The following SND1 variants were observed in gnomAD, a reference collection of about 807,000 sequenced individuals.
The protein encoded by SND1 is staphylococcal nuclease domain-containing protein 1.
SND1 carries 38 observed loss-of-function variants against 121.7 expected under a neutral mutation model. The ratio of observed to expected loss-of-function variants is 0.31; its 90% CI spans 0.24 to 0.41. The LOEUF (loss-of-function observed/expected upper bound fraction) is 0.41, where lower values mean the gene tolerates loss of function less well. Ranked by LOEUF, SND1 falls within the 10% of genes least tolerant of loss-of-function variation. SND1 has a pLI of 1.00. For missense variants in SND1, 868 were observed against 1,184.6 expected, an observed-to-expected ratio of 0.73 and a Z score of 3.92; for synonymous variants, 401 against 447.4, an observed-to-expected ratio of 0.90 and a Z score of 1.31.
intron 15 of SND1, among the ~76,000 whole-genome samples, chr7:127,936,293 T>C (rs773105866): frequency 2.6e-5 from 4 of 152,134 alleles, no homozygotes; most frequent in Non-Finnish European, 5.9e-5. Context: ...TTCTTGTCCA[T>C]AGTTAGCAAG....
intron 16 of SND1, among the ~76,000 whole-genome samples, chr7:128,065,126 G>T (rs1345372049): frequency 6.6e-6 from 1 of 152,222 alleles, no homozygotes; most frequent in Non-Finnish European, 1.5e-5. Context: ...AGATGCCGGT[G>T]AAAAAGGAAA....
At chr7:127,694,403 G>T (rs1795973273) in intron 2 of SND1, among the ~76,000 whole-genome samples, 1 of 152,202 alleles carries the variant, frequency 6.6e-6, no homozygotes, top group Non-Finnish European at 1.5e-5. Flanking sequence ...CTCTGCCTAG[G>T]TGGGTTCCTG....
intron 11 of SND1, among the ~76,000 whole-genome samples, chr7:127,812,025 T>C (rs961215183): frequency 2.0e-5 from 3 of 152,044 alleles, no homozygotes; most frequent in African/African-American, 4.8e-5. Context: ...TTTTAATTTT[T>C]GCCTCCACCC....
At chr7:127,749,914 T>C (rs1053416594) in intron 10 of SND1, among the ~76,000 whole-genome samples, 2 of 152,110 alleles carry the variant, frequency 1.3e-5, no homozygotes, top group African/African-American at 4.8e-5. Flanking sequence ...CTAGACCAAC[T>C]TGGACAACAT....
At chr7:127,933,331 T>C (rs1800991548) in intron 15 of SND1, among the ~76,000 whole-genome samples, 1 of 152,236 alleles carries the variant, frequency 6.6e-6, no homozygotes, top group African/African-American at 2.4e-5. Flanking sequence ...TGAGTTAACT[T>C]ACATTGTGAA....
intron 16 of SND1, among the ~76,000 whole-genome samples, chr7:127,994,579 A>AAAAAAAAAC (rs1802598211): frequency 7.3e-6 from 1 of 136,608 alleles, no homozygotes; most frequent in Non-Finnish European, 1.6e-5. Context: ...AAAAAAAAAA[A>AAAAAAAAAC]AAAAAACAGT....
intron 11 of SND1, among the ~76,000 whole-genome samples, chr7:127,839,485 G>A (rs756535704): frequency 2.0e-4 from 30 of 151,968 alleles, no homozygotes; most frequent in Admixed American, 5.3e-4. Flanking sequence ...ACTTTTTGGC[G>A]TTTTGTTATC....
intron 14 of SND1, among the ~76,000 whole-genome samples, chr7:127,922,246 C>CT (rs1385996017): frequency 8.2e-6 from 1 of 121,470 alleles, no homozygotes; most frequent in African/African-American, 3.1e-5. Flanking sequence ...AGGCTGGTCT[C>CT]TAACTCCCGG....
At chr7:127,706,622 A>G (rs939704502) in intron 8 of SND1, among the ~76,000 whole-genome samples, 6 of 152,160 alleles carry the variant, frequency 3.9e-5, no homozygotes, top group Non-Finnish European at 7.4e-5. Flanking sequence ...GTTATATGAC[A>G]TCGGTAGAAG....
intron 10 of SND1, among the ~76,000 whole-genome samples, chr7:127,756,678 G>A (rs1171386278): frequency 6.6e-6 from 1 of 152,094 alleles, no homozygotes. Context: ...TAGGATATGT[G>A]GCGACTTAGA....
chr7:127,710,838 C>T (rs568657606), intron 9 of SND1, among the ~76,000 whole-genome samples: 52 of 151,402 alleles, frequency 3.4e-4, no homozygotes, highest in Non-Finnish European at 6.8e-4. Context: ...GCACAGTGCT[C>T]TTACCCAGTT....
intron 9 of SND1, among the ~76,000 whole-genome samples, chr7:127,709,829 C>T (rs1796267247): frequency 6.6e-6 from 1 of 152,074 alleles, no homozygotes; most frequent in African/African-American, 2.4e-5. Context: ...GGGTACACGT[C>T]CGCTTAGAGG....
At chr7:127,826,242 A>C (rs941131532) in intron 11 of SND1, among the ~76,000 whole-genome samples, 1 of 152,158 alleles carries the variant, frequency 6.6e-6, no homozygotes, top group African/African-American at 2.4e-5. Context: ...TCACATCCTT[A>C]AATAAACTTT....
chr7:128,070,437 C>A (rs1163255733), intron 16 of SND1, among the ~76,000 whole-genome samples: 1 of 152,212 alleles, frequency 6.6e-6, no homozygotes, highest in Non-Finnish European at 1.5e-5. Flanking sequence ...CTTCTAGCAG[C>A]CTGTGGTAGT....
intron 13 of SND1, among the ~76,000 whole-genome samples, chr7:127,890,231 G>C (rs1201601037): frequency 5.9e-5 from 9 of 152,122 alleles, no homozygotes. Context: ...ACTGGGGTGA[G>C]ATGATACCTC....
intron 22 of SND1, 143 bp downstream of exon 22, chr7:128,089,835 T>C (rs322821): frequency 0.65 from 504,270 of 773,592 alleles, 170,130 homozygotes; most frequent in African/African-American, 0.91. Context: ...GGTTTGTTGG[T>C]GTTTTTTTGT....
At chr7:127,904,506 C>A in intron 13 of SND1, 1 of 345,306 alleles carries the variant, frequency 2.9e-6, no homozygotes, top group Non-Finnish European at 5.4e-6. Flanking sequence ...TTACTAAGCA[C>A]ACTGTTAGTG....
At chr7:127,657,859 A>G (rs1221866514) in intron 1 of SND1, among the ~76,000 whole-genome samples, 1 of 152,188 alleles carries the variant, frequency 6.6e-6, no homozygotes, top group Non-Finnish European at 1.5e-5. Flanking sequence ...TCAGTATCCC[A>G]TGTAAATAGT....
chr7:127,768,655 T>C (rs546166580), intron 10 of SND1, among the ~76,000 whole-genome samples: 1 of 152,268 alleles, frequency 6.6e-6, no homozygotes, highest in East Asian at 1.9e-4. Context: ...ATATTATCTA[T>C]AGCTAATCAA....
Sources: gnomAD v4.1 joint callset for allele counts (sites outside exome capture counted in the v4.1 genomes callset) on GRCh38, gnomAD v4.1.1 for gene constraint, MANE v1.5 for transcripts, NCBI Gene and HGNC (gene_info 2026-07-23, HGNC 2026-07-21) for gene names.